Variants in ARHGEF4 observed in about 807,000 individuals in gnomAD.
ARHGEF4 encodes the protein Rho guanine nucleotide exchange factor 4, also known as APC-stimulated guanine nucleotide exchange factor 1.
A neutral mutation model predicts 162.0 loss-of-function variants in ARHGEF4; 119 were observed. The observed-to-expected ratio is 0.73, with a 90% CI of 0.63 to 0.86. ARHGEF4 has a LOEUF of 0.86. ARHGEF4 is among the 40% of genes least tolerant of loss of function. ARHGEF4 has a pLI of 0.00. For synonymous variants in ARHGEF4, 1,014 were observed against 979.9 expected, an observed-to-expected ratio of 1.03 and a Z score of -0.65; for missense variants, 2,488 against 2,456.0, an observed-to-expected ratio of 1.01 and a Z score of -0.28.
chr2:130,867,426 G>C (rs915058008), intron 1 of ARHGEF4, among the ~76,000 whole-genome samples: 3 of 151,464 alleles, frequency 2.0e-5, no homozygotes, highest in African/African-American at 7.3e-5. Context: ...TTAGTAGAGA[G>C]GGGGTTTCAC....
chr2:130,940,479 T>C (rs553931233), intron 3 of ARHGEF4, among the ~76,000 whole-genome samples: 56 of 151,734 alleles, frequency 3.7e-4, no homozygotes, highest in Non-Finnish European at 7.4e-4. Context: ...GTATTTTTAG[T>C]AGAGACGGGA....
intron 4 of ARHGEF4, among the ~76,000 whole-genome samples, chr2:131,002,367 G>A (rs113974023): frequency 0.13 from 20,034 of 152,044 alleles, 1,424 homozygotes; most frequent in South Asian, 0.21. Context: ...CACGAGGTCA[G>A]GAGATCGAGA....
At chr2:130,985,564 C>T (rs554945914) in intron 4 of ARHGEF4, among the ~76,000 whole-genome samples, 3 of 151,880 alleles carry the variant, frequency 2.0e-5, no homozygotes, top group East Asian at 3.9e-4. Context: ...AAGGAGGCAT[C>T]TGGGGGGGTG....
chr2:131,028,735 T>C (rs1689641024), intron 5 of ARHGEF4, among the ~76,000 whole-genome samples: 1 of 152,172 alleles, frequency 6.6e-6, no homozygotes, highest in South Asian at 2.1e-4. Flanking sequence ...TTTACTTAAC[T>C]GGAGGGTGTT....
intron 1 of ARHGEF4, among the ~76,000 whole-genome samples, chr2:130,888,213 G>A (rs1026352613): frequency 2.6e-5 from 4 of 151,158 alleles, no homozygotes; most frequent in South Asian, 2.1e-4. Flanking sequence ...AGTGGCTCAC[G>A]CCTGTAATCC....
At chr2:130,926,810 A>AT (rs55904944) in intron 2 of ARHGEF4, among the ~76,000 whole-genome samples, 1,230 of 48,822 alleles carry the variant, frequency 0.025, 266 homozygotes, top group African/African-American at 0.061. Flanking sequence ...CTTCTGGCTG[A>AT]TTTTTTTTTT....
chr2:130,930,657 G>A lies in ARHGEF4; in HGVS notation c.3553-295G>A, dbSNP rs116400704. ...TTTAAAAAGTATTTCTAATGAGCAT[G>A]CCAAGTTCAGTAATTACTTTCAAGG... On this transcript the variant is annotated intron_variant, in intron 2 of 13. Transcript: ENST00000409359. Among the ~76,000 whole-genome samples, 221 of 152,284 alleles carry A rather than the reference G, an allele frequency of 1.5e-3. 1 individual carries two copies. The highest frequency in any genetic ancestry group is 5.0e-3 in the African/African-American group (206 of 41,560).
intron 1 of ARHGEF4, among the ~76,000 whole-genome samples, chr2:130,902,929 T>A (rs1242916518): frequency 2.0e-5 from 3 of 149,724 alleles, no homozygotes; most frequent in Non-Finnish European, 4.5e-5. Context: ...TCTGTTTTTT[T>A]GTTCTTTTTT....
At chr2:130,841,953 A>G (rs74942132) in intron 1 of ARHGEF4, among the ~76,000 whole-genome samples, 1,527 of 152,278 alleles carry the variant, frequency 0.01, 33 homozygotes, top group African/African-American at 0.034. Context: ...GCCTGGGTTG[A>G]TGCTCTTCCC....
intron 1 of ARHGEF4, among the ~76,000 whole-genome samples, chr2:130,840,692 G>A (rs938306220): frequency 5.3e-5 from 8 of 152,278 alleles, no homozygotes; most frequent in African/African-American, 1.7e-4. Context: ...CGAGGTGGAT[G>A]CAGGGCACAG....
Position 130,917,091 on chromosome 2 carries a change from G to A in ARHGEF4, c.3145G>A (p.Glu1049Lys). The A allele has an allele frequency of 1.9e-6, 3 of 1,550,546 alleles. No homozygotes were observed. The highest frequency in any genetic ancestry group is 2.6e-6 in the Non-Finnish European group (3 of 1,146,986). Residue 1049 changes from glutamate to lysine, a missense_variant, in exon 2 of 14, where the codon GAA (glutamate) becomes AAA (lysine). By Grantham distance (56) the Glu-to-Lys change is moderately conservative (BLOSUM62 1). Transcript: ENST00000409359. ...GTACCTACCTTCAGGTATCTTTCCGGAAAAGTCCTGGCTGGCGTCCCCCGG... is the reference window on the plus strand; with the variant it reads ...GTACCTACCTTCAGGTATCTTTCCGAAAAAGTCCTGGCTGGCGTCCCCCGG... ...GRYLPSGIFP[E>K]KSWLASPGSP... is the part of the protein sequence containing the mutation.
In ARHGEF4 at chr2:131,041,959, G is replaced by A. The variant is rs1271538285; in HGVS notation, c.5025+15G>A. On this transcript the variant is annotated intron_variant, in intron 10 of 13. Coordinates refer to ENST00000409359, the MANE Select transcript of ARHGEF4 (RefSeq NM_001367493.1). ...AGGACTGGGAGGTGAGGGCCTGGGG[G>A]CACAGAAAATTCCAGGAGGTCTTGG... The A allele has an allele frequency of 6.2e-7, 1 of 1,607,780 alleles. No homozygotes were observed. The highest frequency in any genetic ancestry group is 1.3e-5 in the African/African-American group (1 of 74,840).
chr2:130,972,757 G>A (rs1023936241), intron 4 of ARHGEF4, among the ~76,000 whole-genome samples: 1 of 152,216 alleles, frequency 6.6e-6, no homozygotes, highest in Admixed American at 6.5e-5. Context: ...AAAAGTGAAA[G>A]ATCTGCTGAG....
rs1042881860 is a variant in ARHGEF4 at position 131,041,613 on chromosome 2, G to T, written c.4895+151G>T. 7 of 1,089,620 alleles carry T rather than the reference G, an allele frequency of 6.4e-6. No homozygotes were observed. The East Asian group carries it at 1.7e-4, about 27-fold the overall frequency. 67.5% of individuals were successfully genotyped at this position (1,089,620 alleles called of 1,614,324 possible). On this transcript the variant is annotated intron_variant, in intron 9 of 13. Coordinates refer to ENST00000409359, the MANE Select transcript of ARHGEF4 (RefSeq NM_001367493.1). ...TCCTGATGAGCTCCTTGCAATGGGG[G>T]AAGAGGATGCCAACAGGATATTAAG...
At chr2:130,904,899 C>T (rs527308199) in intron 1 of ARHGEF4, among the ~76,000 whole-genome samples, 5 of 152,038 alleles carry the variant, frequency 3.3e-5, no homozygotes, top group South Asian at 4.2e-4. Context: ...GCCAACATGG[C>T]GAAACCCTGT....
At chr2:130,909,325 C>T (rs1014873377) in intron 1 of ARHGEF4, among the ~76,000 whole-genome samples, 1 of 152,126 alleles carries the variant, frequency 6.6e-6, no homozygotes, top group African/African-American at 2.4e-5. Context: ...CTGTGGAACA[C>T]GGGTCAGCAA....
At chr2:130,993,324 C>T (rs920496235) in intron 4 of ARHGEF4, among the ~76,000 whole-genome samples, 1 of 152,074 alleles carries the variant, frequency 6.6e-6, no homozygotes, top group Non-Finnish European at 1.5e-5. Context: ...TAAAAAATTT[C>T]TGGCATATTT....
intron 1 of ARHGEF4, among the ~76,000 whole-genome samples, chr2:130,842,180 G>T (rs1680656871): frequency 6.6e-6 from 1 of 152,182 alleles, no homozygotes. Flanking sequence ...GTGACTTGCT[G>T]GGGAGGGCAT....
rs1237976493 is a variant in ARHGEF4 at position 130,915,813 on chromosome 2, G to A, written c.1867G>A (p.Glu623Lys). Residue 623 changes from glutamate to lysine, a missense_variant, in exon 2 of 14, where the codon GAG (glutamate) becomes AAG (lysine). Around this residue, in one of 6 missense-constraint regions of ARHGEF4, gnomAD observed 1,642 missense variants for 1,481.5 expected, o/e 1.11. Coordinates refer to ENST00000409359, the MANE Select transcript of ARHGEF4 (RefSeq NM_001367493.1). ...GCAGCTGGAGCCCAAAGCAGGCGGC[G>A]AGGCCTCGAGGGGCAGGGGCGCCCT... is the stretch of plus-strand genomic sequence containing the variant. ...GRQLEPKAGG[E>K]ASRGRGALII... 2.6e-6 allele frequency: 4 copies of A among 1,524,082 alleles called. No individual in the cohort carries two copies. The highest frequency in any genetic ancestry group is 1.3e-5 in the South Asian group (1 of 79,324). 94.4% of individuals were successfully genotyped at this position (1,524,082 alleles called of 1,614,324 possible). A position where few individuals can be genotyped will look rare whatever the true frequency, so the allele number is the denominator to read the frequency against.
Sources: gnomAD v4.1 joint callset for allele counts (sites outside exome capture counted in the v4.1 genomes callset) on GRCh38, gnomAD v4.1.1 for gene constraint, gnomAD v4.1.1 regional missense constraint, MANE v1.5 for transcripts, NCBI Gene and HGNC (gene_info 2026-07-23, HGNC 2026-07-21) for gene names.